CNBD2: variants seen among roughly 807,000 people sequenced by gnomAD.
The protein encoded by CNBD2 is cyclic nucleotide-binding domain-containing protein 2.
CNBD2 carries 64 observed loss-of-function variants against 63.7 expected under a neutral mutation model. That is an observed-to-expected ratio of 1.00 (90% CI 0.82 to 1.24). The LOEUF is 1.24. Ranked by LOEUF, CNBD2 falls within the 50% of genes most tolerant of loss-of-function variation. The pLI is 0.00. For missense variants in CNBD2, 691 were observed against 713.5 expected (o/e 0.97, Z 0.36); for synonymous variants, 229 against 255.4 (o/e 0.90, Z 0.99).
intron 8 of CNBD2, among the ~76,000 whole-genome samples, chr20:36,004,333 T>C (rs569514015): frequency 9.8e-5 from 15 of 152,304 alleles, no homozygotes; most frequent in Middle Eastern, 3.4e-3. Flanking sequence ...TCTGTCTCTA[T>C]GCAGCTCTCT....
intron 3 of CNBD2, 83 bp from the exon 4 acceptor site, chr20:35,980,376 C>CAA: frequency 7.7e-7 from 1 of 1,296,264 alleles, no homozygotes; most frequent in Non-Finnish European, 1.1e-6. Context: ...GGAGAGTGTA[C>CAA]AAGCAGGACT....
chr20:35,982,972 C>T (rs1568870255), intron 4 of CNBD2, among the ~76,000 whole-genome samples: 1 of 151,802 alleles, frequency 6.6e-6, no homozygotes, highest in Non-Finnish European at 1.5e-5. Flanking sequence ...TCCGACTCTC[C>T]AAATAATAGA....
intron 8 of CNBD2, among the ~76,000 whole-genome samples, chr20:36,006,247 C>T (rs2056983630): frequency 6.6e-6 from 1 of 151,960 alleles, no homozygotes; most frequent in Non-Finnish European, 1.5e-5. Context: ...CCAGGCTGGT[C>T]TCGAACTCCT....
At chr20:35,998,069 T>C (rs1194741103) in intron 8 of CNBD2, among the ~76,000 whole-genome samples, 2 of 140,128 alleles carry the variant, frequency 1.4e-5, no homozygotes, top group South Asian at 2.3e-4. Flanking sequence ...TGAGAGGGAG[T>C]CTCGCTCTGT....
At chr20:35,968,856 G>C (rs2056372833) in intron 1 of CNBD2, 43 bp downstream of exon 1, 2 of 1,497,456 alleles carry the variant, frequency 1.3e-6, no homozygotes, top group South Asian at 2.4e-5. Flanking sequence ...GCAGAAGACT[G>C]AACAGACAGG....
chr20:36,021,588 C>G (rs2057208503), intron 10 of CNBD2, among the ~76,000 whole-genome samples: 1 of 152,162 alleles, frequency 6.6e-6, no homozygotes, highest in Non-Finnish European at 1.5e-5. Context: ...TGGTTTGTGG[C>G]CCTTTTTCTT....
At chr20:35,957,099 C>T (rs2056263820), downstream of CNBD2, among the ~76,000 whole-genome samples, 1 of 152,170 alleles carries the variant, frequency 6.6e-6, no homozygotes, top group Non-Finnish European at 1.5e-5. Context: ...CTATTTCTTC[C>T]ATCCCTATTG....
At chr20:35,993,285 C>T (rs905051101) in intron 7 of CNBD2, among the ~76,000 whole-genome samples, 1 of 152,178 alleles carries the variant, frequency 6.6e-6, no homozygotes, top group Non-Finnish European at 1.5e-5. Context: ...CCAGAAGGCT[C>T]TCCTGTGCTC....
At chr20:36,006,459 C>A (rs1031525937) in intron 8 of CNBD2, among the ~76,000 whole-genome samples, 1 of 152,146 alleles carries the variant, frequency 6.6e-6, no homozygotes, top group Admixed American at 6.5e-5. Context: ...CTTTGTCACC[C>A]AGTCTGGAGT....
chr20:35,978,237 G>A (rs1224408030), intron 3 of CNBD2, among the ~76,000 whole-genome samples: 1 of 152,116 alleles, frequency 6.6e-6, no homozygotes, highest in African/African-American at 2.4e-5. Context: ...GTGCAGTGAT[G>A]CAATCACAGC....
At chr20:36,002,725 T>C (rs1010296305) in intron 8 of CNBD2, among the ~76,000 whole-genome samples, 3 of 152,232 alleles carry the variant, frequency 2.0e-5, no homozygotes, top group Admixed American at 6.5e-5. Context: ...TGCCTTGGTA[T>C]AATTTTTGTC....
chr20:35,992,144 G>T (rs1171608562), intron 7 of CNBD2, among the ~76,000 whole-genome samples: 1 of 152,154 alleles, frequency 6.6e-6, no homozygotes, highest in African/African-American at 2.4e-5. Flanking sequence ...GCCTCCCAAA[G>T]TGCTGGGATT....
At chr20:35,969,442 C>T (rs1209925279) in intron 1 of CNBD2, among the ~76,000 whole-genome samples, 2 of 147,604 alleles carry the variant, frequency 1.4e-5, no homozygotes, top group African/African-American at 2.5e-5. Context: ...CTTTACCATC[C>T]CATGCCCCTT....
At chr20:35,989,105 C>T (rs1371553589) in intron 7 of CNBD2, among the ~76,000 whole-genome samples, 1 of 152,132 alleles carries the variant, frequency 6.6e-6, no homozygotes, top group East Asian at 1.9e-4. Context: ...TGTCATTATT[C>T]CCATTTTACA....
At chr20:35,978,370 A>T (rs1297200199) in intron 3 of CNBD2, among the ~76,000 whole-genome samples, 1 of 142,744 alleles carries the variant, frequency 7.0e-6, no homozygotes, top group African/African-American at 2.7e-5. Context: ...TTTGAGACGG[A>T]GTCGAGCTCT....
rs2057053567 is a variant in CNBD2, at chr20:36,011,146, TG to T, written c.1159del (p.Ala387LeufsTer8). 1 of 1,575,582 alleles carries T rather than the reference TG, an allele frequency of 6.3e-7. No homozygotes were observed. The highest frequency in any genetic ancestry group is 8.6e-7 in the Non-Finnish European group (1 of 1,159,784). ...MLGPKIQSRP[A>X]QSIKCAMINI... ...AGCTGTCACATTTCAGATCCAGGCC[TG>T]CTCAGTCGATCAAATGTGCCATGAT... On this transcript the variant is annotated frameshift_variant, in exon 10 of 12. Transcript: ENST00000373973. LOFTEE classifies it high-confidence loss of function.
chr20:36,020,108 A>G (rs1396858794), intron 10 of CNBD2, among the ~76,000 whole-genome samples: 1 of 151,462 alleles, frequency 6.6e-6, no homozygotes, highest in Non-Finnish European at 1.5e-5. Context: ...CTTGAGACGG[A>G]GTCTCGCTGT....
intron 10 of CNBD2, among the ~76,000 whole-genome samples, chr20:36,022,409 A>G (rs1276787049): frequency 6.6e-6 from 1 of 151,542 alleles, no homozygotes. Flanking sequence ...CGTGTTCGTC[A>G]GGATGGTCTT....
At chr20:36,006,949 G>A (rs968522096) in intron 8 of CNBD2, among the ~76,000 whole-genome samples, 4 of 152,032 alleles carry the variant, frequency 2.6e-5, no homozygotes, top group African/African-American at 9.7e-5. Context: ...TAGCACTCTG[G>A]GAGGCCGAGG....
Sources: gnomAD v4.1 joint callset for allele counts (sites outside exome capture counted in the v4.1 genomes callset) on GRCh38, gnomAD v4.1.1 for gene constraint, MANE v1.5 for transcripts, NCBI Gene and HGNC (gene_info 2026-07-23, HGNC 2026-07-21) for gene names.